The following KIAA0319 variants were observed in gnomAD, a reference collection of about 807,000 sequenced individuals.
KIAA0319 encodes the protein KIAA0319, also known as dyslexia-associated protein KIAA0319.
Under a neutral mutation model 108.4 loss-of-function variants are expected in KIAA0319, and 83 were observed. The observed-to-expected ratio is 0.77, with a 90% CI of 0.64 to 0.92. The LOEUF is 0.92. Among genes scored for constraint, KIAA0319 ranks in the 40% least tolerant of loss-of-function variants. The pLI, the probability that KIAA0319 is intolerant of heterozygous loss-of-function variation, is 0.00. For synonymous variants in KIAA0319, 484 were observed against 510.4 expected, an observed-to-expected ratio of 0.95 and a Z score of 0.70; for missense variants, 1,195 against 1,322.4, an observed-to-expected ratio of 0.90 and a Z score of 1.49.
Position 24,550,871 on chromosome 6 carries a change from C to A in KIAA0319, c.3040+563G>T, listed in dbSNP as rs562297498. ...CTGATAACATTTCATATCCCTCATC[C>A]ATTAATGCCTCAAAGTATTACACCA... On this transcript the variant is annotated intron_variant, in intron 20 of 20. Coordinates refer to ENST00000378214, the MANE Select transcript of KIAA0319 (RefSeq NM_014809.4). Among the ~76,000 whole-genome samples the A allele has an allele frequency of 7.2e-5, 11 of 152,290 alleles. No homozygotes were observed. The South Asian group carries it at 2.3e-3, about 32-fold the overall frequency.
chr6:24,554,726 C>T (rs1362962643), intron 18 of KIAA0319, 95 bp from the exon 19 acceptor site: 13 of 854,142 alleles, frequency 1.5e-5, no homozygotes, highest in Admixed American at 9.6e-5. Context: ...TGAATCCCTA[C>T]AAGGAAAGGC....
At chr6:24,638,792 A>G (rs1265641790) in intron 1 of KIAA0319, among the ~76,000 whole-genome samples, 1 of 152,072 alleles carries the variant, frequency 6.6e-6, no homozygotes, top group African/African-American at 2.4e-5. Flanking sequence ...AAGAGGCAAG[A>G]TGTGAAGGGA....
At chr6:24,553,847 G>A (rs771808427) in intron 19 of KIAA0319, among the ~76,000 whole-genome samples, 23 of 152,228 alleles carry the variant, frequency 1.5e-4, no homozygotes, top group Non-Finnish European at 2.5e-4. Flanking sequence ...TGCCCAGAGA[G>A]GGCATGGAAG....
chr6:24,626,447 G>A (rs949159175), intron 1 of KIAA0319, among the ~76,000 whole-genome samples: 5 of 152,092 alleles, frequency 3.3e-5, no homozygotes, highest in Non-Finnish European at 5.9e-5. Context: ...CACGAGAATC[G>A]CTTGAACCTG....
intron 14 of KIAA0319, 85 bp from the exon 15 acceptor site, chr6:24,564,425 C>T (rs1433941944): frequency 7.1e-6 from 11 of 1,554,792 alleles, no homozygotes; most frequent in African/African-American, 1.4e-5. Context: ...CCTCAGTGTC[C>T]CATCTTTTTA....
intron 11 of KIAA0319, among the ~76,000 whole-genome samples, chr6:24,571,863 G>A (rs1289134065): frequency 6.6e-6 from 1 of 152,056 alleles, no homozygotes; most frequent in Non-Finnish European, 1.5e-5. Context: ...CTCTTTCTTT[G>A]GGGTCCTGTA....
In KIAA0319 at chr6:24,578,097, G is replaced by A; in HGVS notation, c.1505+13C>T. ...AGTAGCAGGCAGCACAATAAAGGCA[G>A]GGACCCACTTGCCTGAAACTATAGT... is the stretch of plus-strand genomic sequence containing the variant. On this transcript the variant is annotated intron_variant, in intron 9 of 20. Transcript: ENST00000378214. 1 of 1,605,266 alleles carries A rather than the reference G, an allele frequency of 6.2e-7. No homozygotes were observed.
chr6:24,568,995 G>C, intron 12 of KIAA0319, 66 bp from the exon 13 acceptor site: 2 of 1,488,014 alleles, frequency 1.3e-6, no homozygotes, highest in Admixed American at 1.7e-5. Flanking sequence ...ACAGGCATGC[G>C]ATTTGTGCTC....
chr6:24,555,858 C>G (rs1021624656), intron 18 of KIAA0319, among the ~76,000 whole-genome samples: 3 of 152,198 alleles, frequency 2.0e-5, no homozygotes, highest in African/African-American at 7.2e-5. Flanking sequence ...CAGAAAATCA[C>G]ACTGAGCCTA....
intron 16 of KIAA0319, among the ~76,000 whole-genome samples, chr6:24,562,295 T>C (rs995511644): frequency 6.6e-6 from 1 of 152,252 alleles, no homozygotes; most frequent in Non-Finnish European, 1.5e-5. Flanking sequence ...TTTTCAGACA[T>C]GTCTTTGATT....
intron 1 of KIAA0319, among the ~76,000 whole-genome samples, chr6:24,635,478 C>T (rs1334761966): frequency 2.6e-5 from 4 of 152,014 alleles, no homozygotes; most frequent in Non-Finnish European, 5.9e-5. Context: ...AATTTCTGTC[C>T]TCAGTTTTTG....
At chr6:24,556,031 G>C (rs1300414942) in intron 18 of KIAA0319, among the ~76,000 whole-genome samples, 2 of 152,188 alleles carry the variant, frequency 1.3e-5, no homozygotes, top group African/African-American at 4.8e-5. Flanking sequence ...ATTGTAAGAA[G>C]GGTCTTAACT....
At position 24,600,651 on chromosome 6, in the gene KIAA0319, C is replaced by A. The variant is rs766972047; in HGVS notation, c.55+398G>T. The A allele has an allele frequency of 8.2e-5, 126 of 1,534,992 alleles. No homozygotes were observed. The African/African-American group carries it at 1.6e-3, about 19-fold the overall frequency. ...CGGCCAGCCCAGTCTAGTCATGGGT[C>A]TTCTTAAATGATGCTCACCAGTGAT... On this transcript the variant is annotated intron_variant, in intron 2 of 20. Transcript: ENST00000378214.
chr6:24,581,593 G>A (rs1434012667), intron 6 of KIAA0319, among the ~76,000 whole-genome samples: 1 of 152,100 alleles, frequency 6.6e-6, no homozygotes, highest in African/African-American at 2.4e-5. Context: ...TGGAATTATT[G>A]GCAACTCTAG....
rs145875091 is a variant in KIAA0319 at position 24,579,766 on chromosome 6, A to G, written c.1372+92T>C. On this transcript the variant is annotated intron_variant, in intron 8 of 20. Transcript: ENST00000378214. ...TGATCGTTTATCAAAGTAACAGCCC[A>G]TAAGTCCTCCTAGCTTTGATGCAGA... 106 of 978,014 alleles carry G rather than the reference A, an allele frequency of 1.1e-4. No individual in the cohort carries two copies. In the African/African-American group the frequency reaches 1.5e-3, roughly 14 times the overall value. 60.6% of individuals were successfully genotyped at this position (978,014 alleles called of 1,614,324 possible).
At chr6:24,600,504 A>AT in intron 2 of KIAA0319, 1 of 681,260 alleles carries the variant, frequency 1.5e-6, no homozygotes, top group Non-Finnish European at 2.6e-6. Flanking sequence ...GAGAAACTGC[A>AT]TTTTAACAAG....
At chr6:24,581,799 G>A (rs1766588791) in intron 6 of KIAA0319, among the ~76,000 whole-genome samples, 1 of 152,170 alleles carries the variant, frequency 6.6e-6, no homozygotes, top group Admixed American at 6.5e-5. Context: ...CTGCCTACTT[G>A]CATGCCTGAA....
intron 10 of KIAA0319, among the ~76,000 whole-genome samples, chr6:24,573,971 C>T (rs888809825): frequency 3.3e-5 from 5 of 151,764 alleles, no homozygotes; most frequent in African/African-American, 7.3e-5. Context: ...AAAAATTATT[C>T]GGGCGTGGTG....
intron 1 of KIAA0319, among the ~76,000 whole-genome samples, chr6:24,629,290 A>C (rs1447717511): frequency 6.6e-6 from 1 of 151,908 alleles, no homozygotes; most frequent in African/African-American, 2.4e-5. Flanking sequence ...CCAAGGAGGG[A>C]GGATCACGAG....
Sources: allele counts gnomAD v4.1 joint callset (sites outside exome capture counted in the v4.1 genomes callset), GRCh38; gene constraint gnomAD v4.1.1; transcripts MANE v1.5; gene names NCBI Gene and HGNC (gene_info 2026-07-23, HGNC 2026-07-21).